Variants in ALG5 observed in about 807,000 individuals in gnomAD.
ALG5 encodes the protein dolichyl-phosphate beta-glucosyltransferase.
Under a neutral mutation model 51.8 loss-of-function variants are expected in ALG5, and 26 were observed. The ratio of observed to expected loss-of-function variants is 0.50; its 90% CI spans 0.37 to 0.70. ALG5 has a LOEUF of 0.70. ALG5 is among the 30% of genes least tolerant of loss of function. The probability of loss-of-function intolerance (pLI) is 0.00; values close to 1 mark genes in which losing one functional copy is unlikely to be tolerated. For missense variants in ALG5, 311 were observed against 399.3 expected, an observed-to-expected ratio of 0.78 and a Z score of 1.88; for synonymous variants, 141 against 136.1, an observed-to-expected ratio of 1.04 and a Z score of -0.25.
chr13:36,993,602 A>G lies in ALG5; in HGVS notation c.354+2T>C. ...GTCAATTCTAAAAGCAAGTGTATTT[A>G]CCTTTGAGGTCTGATCTTTACTGCC... On this transcript the variant is annotated splice_donor_variant, in intron 4 of 9. Transcript: ENST00000239891. LOFTEE classifies it high-confidence loss of function. 6.2e-7 allele frequency: 1 copy of G among 1,611,512 alleles called. No homozygotes were observed. Among genetic ancestry groups the G allele is most frequent in the Non-Finnish European group, 8.5e-7 (1 of 1,177,872 alleles).
intron 6 of ALG5, among the ~76,000 whole-genome samples, chr13:36,983,969 T>A (rs558525629): frequency 5.9e-5 from 9 of 152,218 alleles, no homozygotes; most frequent in Admixed American, 5.9e-4. Flanking sequence ...TGTTGTTTGG[T>A]TTGGTTTTTG....
chr13:36,983,834 G>T (rs1593679443), intron 6 of ALG5, among the ~76,000 whole-genome samples: 2 of 151,986 alleles, frequency 1.3e-5, no homozygotes, highest in Middle Eastern at 6.8e-3. Flanking sequence ...GATGGATGAT[G>T]GTGGGGGAGA....
At chr13:36,991,266 G>A (rs1286048627) in intron 4 of ALG5, among the ~76,000 whole-genome samples, 1 of 152,004 alleles carries the variant, frequency 6.6e-6, no homozygotes, top group Non-Finnish European at 1.5e-5. Context: ...CTCTTTTCTA[G>A]CCTCCATGCC....
intron 6 of ALG5, among the ~76,000 whole-genome samples, chr13:36,982,877 C>T (rs967231378): frequency 2.0e-5 from 3 of 152,118 alleles, no homozygotes; most frequent in Non-Finnish European, 2.9e-5. Context: ...AGCTGGGACA[C>T]TTAAATAATT....
intron 3 of ALG5, among the ~76,000 whole-genome samples, chr13:36,994,534 T>C (rs2059040023): frequency 6.6e-6 from 1 of 151,880 alleles, no homozygotes; most frequent in Non-Finnish European, 1.5e-5. Flanking sequence ...TTTTTTCTGT[T>C]CATTCAGACT....
intron 8 of ALG5, among the ~76,000 whole-genome samples, chr13:36,955,707 A>G (rs2058836799): frequency 6.7e-6 from 1 of 149,880 alleles, no homozygotes; most frequent in South Asian, 2.1e-4. Flanking sequence ...AAAAAAAAAA[A>G]AAAAAGATTA....
intron 6 of ALG5, among the ~76,000 whole-genome samples, chr13:36,984,254 A>C (rs1025279680): frequency 2.6e-5 from 4 of 151,796 alleles, no homozygotes; most frequent in African/African-American, 9.7e-5. Flanking sequence ...ATACACCACC[A>C]CACCCTGTTA....
rs371001569 is a variant in ALG5 at position 36,964,912 on chromosome 13, C to T, written c.773+663G>A. Among the ~76,000 whole-genome samples the T allele has an allele frequency of 2.3e-4, 19 of 81,498 alleles. No individual in the cohort carries two copies. The South Asian group carries it at 5.4e-3, about 23-fold the overall frequency. The allele number at this position is 81,498 out of a possible 152,430, so 53.5% of individuals were successfully genotyped here. On this transcript the variant is annotated intron_variant, in intron 8 of 9. Coordinates refer to ENST00000239891, the MANE Select transcript of ALG5 (RefSeq NM_013338.5). ...TGTACTCCATCCTGGGCAACAAGAG[C>T]GAAACTCAAAAAAAAAAAAAAATGA...
At chr13:36,964,309 G>A (rs1297783435) in intron 8 of ALG5, among the ~76,000 whole-genome samples, 1 of 152,184 alleles carries the variant, frequency 6.6e-6, no homozygotes, top group Non-Finnish European at 1.5e-5. Context: ...AGGTGCATAT[G>A]ATTGATCACA....
intron 5 of ALG5, among the ~76,000 whole-genome samples, chr13:36,988,768 T>C (rs1028701738): frequency 2.0e-5 from 3 of 152,206 alleles, no homozygotes. Context: ...GGAGTCACCC[T>C]GTGTGCATGA....
chr13:36,985,183 C>T (rs902206428), intron 6 of ALG5, among the ~76,000 whole-genome samples: 42 of 152,030 alleles, frequency 2.8e-4, no homozygotes, highest in African/African-American at 9.9e-4. Context: ...CTTTCCTCAA[C>T]CTCCACTTTT....
intron 6 of ALG5, among the ~76,000 whole-genome samples, chr13:36,973,269 A>G (rs969344136): frequency 1.5e-4 from 23 of 152,188 alleles, no homozygotes; most frequent in African/African-American, 4.3e-4. Flanking sequence ...AGGTGCTGGA[A>G]TGTGAATAGA....
At chr13:36,963,502 T>C (rs1396732116) in intron 8 of ALG5, among the ~76,000 whole-genome samples, 1 of 151,188 alleles carries the variant, frequency 6.6e-6, no homozygotes, top group African/African-American at 2.4e-5. Flanking sequence ...TCTGGAGCAA[T>C]AGCTGACTGA....
chr13:36,996,468 T>G (rs990928371), intron 1 of ALG5, among the ~76,000 whole-genome samples: 3 of 152,176 alleles, frequency 2.0e-5, no homozygotes, highest in Admixed American at 6.5e-5. Flanking sequence ...TAATCAAAGA[T>G]TATCAAAGAT....
chr13:36,972,811 C>A (rs769724544), intron 6 of ALG5, among the ~76,000 whole-genome samples: 2 of 151,782 alleles, frequency 1.3e-5, no homozygotes, highest in Admixed American at 1.3e-4. Flanking sequence ...GCTAACACAG[C>A]GAAACCCCGT....
chr13:36,980,009 T>C (rs2058972470), intron 6 of ALG5, among the ~76,000 whole-genome samples: 1 of 152,038 alleles, frequency 6.6e-6, no homozygotes, highest in Admixed American at 6.6e-5. Context: ...ATCGCATCAC[T>C]GCACTCCAGG....
At chr13:36,973,092 CAA>C (rs758201926) in intron 6 of ALG5, among the ~76,000 whole-genome samples, 45 of 84,162 alleles carry the variant, frequency 5.3e-4, no homozygotes, top group Admixed American at 7.3e-4. Context: ...GACTTTCCAT[CAA>C]AAAAAAAAAA....
intron 5 of ALG5, among the ~76,000 whole-genome samples, 172 bp downstream of exon 5, chr13:36,989,312 T>C (rs1347214051): frequency 1.3e-5 from 2 of 152,214 alleles, no homozygotes; most frequent in Non-Finnish European, 2.9e-5. Context: ...CACTATATTA[T>C]AGATATGACA....
intron 6 of ALG5, among the ~76,000 whole-genome samples, chr13:36,972,792 A>G (rs1389218318): frequency 2.0e-5 from 3 of 152,108 alleles, no homozygotes; most frequent in Non-Finnish European, 4.4e-5. Context: ...GGAGATCGAG[A>G]TCATCCTGGC....
Sources: allele counts gnomAD v4.1 joint callset (sites outside exome capture counted in the v4.1 genomes callset), GRCh38; gene constraint gnomAD v4.1.1; transcripts MANE v1.5; gene names NCBI Gene and HGNC (gene_info 2026-07-23, HGNC 2026-07-21).